Variants in IL1RAPL2 observed in about 807,000 individuals in gnomAD.
The protein encoded by IL1RAPL2 is X-linked interleukin-1 receptor accessory protein-like 2.
In IL1RAPL2, 3 loss-of-function variants were observed where a neutral mutation model predicts 44.1. The observed-to-expected ratio is 0.07, with a 90% confidence interval of 0.03 to 0.18. The LOEUF is 0.18. Ranked by LOEUF, IL1RAPL2 falls within the 10% of genes least tolerant of loss-of-function variation. The pLI, the probability that IL1RAPL2 is intolerant of heterozygous loss-of-function variation, is 1.00. For missense variants in IL1RAPL2, 391 were observed against 496.4 expected (o/e 0.79, Z 2.02); for synonymous variants, 181 against 178.8 (o/e 1.01, Z -0.10).
At chrX:105,215,436 A>G (rs1201177672) in intron 3 of IL1RAPL2, among the ~76,000 whole-genome samples, 1 of 111,945 alleles carries the variant, frequency 8.9e-6, no homozygotes, top group Admixed American at 9.5e-5. Flanking sequence ...TGAATAGACC[A>G]ATAACAAGTT....
At chrX:105,722,064 G>A (rs1008138593) in intron 7 of IL1RAPL2, among the ~76,000 whole-genome samples, 2 of 111,318 alleles carry the variant, frequency 1.8e-5, no homozygotes, top group African/African-American at 6.5e-5. Context: ...AAACATCATC[G>A]AGTGTACATA....
chrX:104,637,310 A>G (rs1039481309), intron 1 of IL1RAPL2, among the ~76,000 whole-genome samples: 1 of 110,960 alleles, frequency 9.0e-6, no homozygotes. Flanking sequence ...ATGCATTTTT[A>G]TTTCTTTCTC....
chrX:105,551,986 G>A (rs971255606), intron 6 of IL1RAPL2, among the ~76,000 whole-genome samples: 8 of 109,928 alleles, frequency 7.3e-5, no homozygotes, highest in African/African-American at 2.7e-4. Flanking sequence ...GGCGCCTGCA[G>A]TCCCAGCTAC....
intron 2 of IL1RAPL2, among the ~76,000 whole-genome samples, chrX:104,861,768 A>T: frequency 9.0e-6 from 1 of 111,645 alleles, no homozygotes; most frequent in Non-Finnish European, 1.9e-5. Context: ...ATTACTTTCA[A>T]TACCTAATAA....
intron 2 of IL1RAPL2, among the ~76,000 whole-genome samples, chrX:105,085,114 C>A (rs951849784): frequency 1.8e-5 from 2 of 112,159 alleles, no homozygotes; most frequent in African/African-American, 6.5e-5. Context: ...TTATAAATTA[C>A]AGGCTTGGGC....
At chrX:105,547,390 TA>T (rs1371811341) in intron 6 of IL1RAPL2, among the ~76,000 whole-genome samples, 1 of 112,399 alleles carries the variant, frequency 8.9e-6, no homozygotes, top group Non-Finnish European at 1.9e-5. Context: ...GATCACCTAG[TA>T]AACCCCTTTA....
chrX:104,800,956 T>C (rs1932881589), intron 2 of IL1RAPL2, among the ~76,000 whole-genome samples: 1 of 112,717 alleles, frequency 8.9e-6, no homozygotes, highest in African/African-American at 3.2e-5. Flanking sequence ...AATGCCAAGA[T>C]GTCCAGGGAA....
chrX:105,118,914 A>C (rs2032891286), intron 2 of IL1RAPL2, among the ~76,000 whole-genome samples: 1 of 112,158 alleles, frequency 8.9e-6, no homozygotes, highest in Non-Finnish European at 1.9e-5. Context: ...AACTGCAACT[A>C]TGTAGGTCTA....
At chrX:105,506,002 C>T (rs970548639) in intron 6 of IL1RAPL2, among the ~76,000 whole-genome samples, 6 of 111,086 alleles carry the variant, frequency 5.4e-5, no homozygotes, top group Admixed American at 4.8e-4. Flanking sequence ...TACTATACCT[C>T]GGACACTCTA....
chrX:105,649,836 A>C (rs1272634993), intron 6 of IL1RAPL2, among the ~76,000 whole-genome samples: 4 of 111,824 alleles, frequency 3.6e-5, no homozygotes, highest in Non-Finnish European at 7.5e-5. Context: ...TGTAACAGGA[A>C]ATATACCGCA....
chrX:105,675,913 T>A (rs1365684915), intron 6 of IL1RAPL2, among the ~76,000 whole-genome samples: 1 of 111,903 alleles, frequency 8.9e-6, no homozygotes, highest in African/African-American at 3.2e-5. Flanking sequence ...CAGGAATATA[T>A]CTGTTTTCTT....
chrX:104,674,896 G>A (rs1344534804), intron 2 of IL1RAPL2, among the ~76,000 whole-genome samples: 9 of 111,787 alleles, frequency 8.1e-5, no homozygotes, highest in East Asian at 2.8e-4. Flanking sequence ...AGAGGTGTTT[G>A]TAGTATTCTC....
chrX:104,888,716 C>T (rs1346727774), intron 2 of IL1RAPL2, among the ~76,000 whole-genome samples: 1 of 111,383 alleles, frequency 9.0e-6, no homozygotes, highest in Non-Finnish European at 1.9e-5. Context: ...GTTGCCACTC[C>T]CATTCCTGCA....
chrX:105,036,448 T>C, intron 2 of IL1RAPL2, among the ~76,000 whole-genome samples: 1 of 112,007 alleles, frequency 8.9e-6, no homozygotes, highest in African/African-American at 3.2e-5. Context: ...CGACTACCTC[T>C]TACAACATAC....
At chrX:105,229,754 A>C (rs782102420) in intron 3 of IL1RAPL2, among the ~76,000 whole-genome samples, 6 of 111,646 alleles carry the variant, frequency 5.4e-5, no homozygotes, top group Non-Finnish European at 1.1e-4. Flanking sequence ...TTGTTATAGA[A>C]GGCATTTGTC....
chrX:105,375,234 G>A (rs781382964), intron 5 of IL1RAPL2, among the ~76,000 whole-genome samples: 7 of 110,754 alleles, frequency 6.3e-5, no homozygotes, highest in Admixed American at 2.9e-4. Flanking sequence ...AATCTGAGCT[G>A]GGCATGGTGG....
At chrX:104,840,851 A>AT (rs35332052) in intron 2 of IL1RAPL2, among the ~76,000 whole-genome samples, 4,694 of 103,161 alleles carry the variant, frequency 0.046, 300 homozygotes, top group African/African-American at 0.16. Flanking sequence ...TTATTTATTT[A>AT]TTTTTTTTTT....
At chrX:105,746,822 T>C (rs141102878) in intron 8 of IL1RAPL2, among the ~76,000 whole-genome samples, 458 of 111,311 alleles carry the variant, frequency 4.1e-3, no homozygotes, top group Non-Finnish European at 6.6e-3. Flanking sequence ...TTAAAACATT[T>C]GAAAGCTCTT....
intron 1 of IL1RAPL2, among the ~76,000 whole-genome samples, chrX:104,604,757 G>C (rs1263048088): frequency 2.7e-5 from 3 of 109,785 alleles, no homozygotes; most frequent in African/African-American, 9.9e-5. Context: ...GATCAATGCA[G>C]CAAAATAACT....
Sources: gnomAD v4.1 joint callset for allele counts (sites outside exome capture counted in the v4.1 genomes callset) on GRCh38, gnomAD v4.1.1 for gene constraint, MANE v1.5 for transcripts, NCBI Gene and HGNC (gene_info 2026-07-23, HGNC 2026-07-21) for gene names.